POGZ: variants seen among roughly 807,000 people sequenced by gnomAD.
The protein encoded by POGZ is pogo transposable element derived with ZNF domain.
Under a neutral mutation model 134.6 loss-of-function variants are expected in POGZ, and 17 were observed. The ratio of observed to expected loss-of-function variants is 0.13; its 90% confidence interval spans 0.09 to 0.19. POGZ has a LOEUF of 0.19. Ranked by LOEUF, POGZ falls within the 10% of genes least tolerant of loss-of-function variation. The pLI is 1.00. For synonymous variants in POGZ, 693 were observed against 657.1 expected, an observed-to-expected ratio of 1.05 and a Z score of -0.84; for missense variants, 1,306 against 1,769.7, an observed-to-expected ratio of 0.74 and a Z score of 4.70.
chr1:151,456,303 T>A (rs188673804), intron 1 of POGZ, among the ~76,000 whole-genome samples: 66 of 152,226 alleles, frequency 4.3e-4, no homozygotes, highest in African/African-American at 1.5e-3. Flanking sequence ...GAAAGTCTTT[T>A]AAGTACTAGG....
chr1:151,452,311 T>C lies in POGZ; in HGVS notation c.-2+6841A>G, dbSNP rs369615209. Among the ~76,000 whole-genome samples the C allele has an allele frequency of 1.4e-4, 22 of 151,858 alleles. No individual in the cohort carries two copies. In the East Asian group the frequency reaches 2.9e-3, roughly 20 times the overall value. ...ATGCACAAAATATTTAATAGAAATA[T>C]CTTGAAAGTGACTTTCAAGGGGTTA... is the stretch of plus-strand genomic sequence containing the variant. On this transcript the variant is annotated intron_variant, in intron 1 of 18. Transcript: ENST00000271715.
At chr1:151,441,554 T>G (rs1276735106) in intron 2 of POGZ, among the ~76,000 whole-genome samples, 1 of 152,128 alleles carries the variant, frequency 6.6e-6, no homozygotes, top group Non-Finnish European at 1.5e-5. Flanking sequence ...TACCACCCAT[T>G]TTCTGAATTC....
At position 151,408,718 on chromosome 1, in the gene POGZ, C is replaced by T. The variant is rs1557873744; in HGVS notation, c.2037G>A (p.Leu679=). Residue 679 remains leucine (L), a synonymous_variant, in exon 13 of 19, where the codon CTG becomes CTA. Coordinates refer to ENST00000271715, the MANE Select transcript of POGZ (RefSeq NM_015100.4). ...HHKTFRKPKQ[L]EGLKPGTKVT... is the part of the protein sequence containing the mutation. ...CCTTGGTGCCTGGTTTCAAGCCCTC[C>T]AGCTGCTTGGGTTTACGGAAGGTTT... 2 of 1,614,038 alleles carry T rather than the reference C, an allele frequency of 1.2e-6. No homozygotes were observed. Among genetic ancestry groups the T allele is most frequent in the Admixed American group, 1.7e-5 (1 of 59,982 alleles).
intron 1 of POGZ, among the ~76,000 whole-genome samples, chr1:151,453,834 TA>T (rs1463082369): frequency 1.3e-5 from 2 of 152,328 alleles, no homozygotes; most frequent in African/African-American, 2.4e-5. Context: ...AGCTAGTCAA[TA>T]AAAGTCTATA....
rs1354995907 is a variant in POGZ at position 151,459,180 on chromosome 1, GA to G, written c.-31del. 4 of 151,020 alleles carry G rather than the reference GA, an allele frequency of 2.6e-5. No homozygotes were observed. Among genetic ancestry groups the G allele is most frequent in the African/African-American group, 2.4e-5 (1 of 41,226 alleles). 9.4% of individuals were successfully genotyped at this position (151,020 alleles called of 1,614,324 possible). On this transcript the variant is annotated 5_prime_UTR_variant, in exon 1 of 19. Coordinates refer to ENST00000271715, the MANE Select transcript of POGZ (RefSeq NM_015100.4). ...CTGTGGTCGTCGCCGCCGGTAGTCTGACCCGAGGAAGGCGCCGTCGCCTTAA... is the reference window on the plus strand; with the variant it reads ...CTGTGGTCGTCGCCGCCGGTAGTCTGCCCGAGGAAGGCGCCGTCGCCTTAA...
intron 1 of POGZ, among the ~76,000 whole-genome samples, chr1:151,445,527 AAAAAAAAAAAAG>A (rs1661142264): frequency 6.6e-6 from 1 of 151,680 alleles, no homozygotes; most frequent in South Asian, 2.1e-4. Context: ...TGTCTCAAAA[AAAAAAAAAAAAG>A]AAAAAAAGAA....
intron 1 of POGZ, among the ~76,000 whole-genome samples, chr1:151,447,135 T>C (rs1571564815): frequency 1.3e-5 from 2 of 151,962 alleles, no homozygotes; most frequent in South Asian, 2.1e-4. Flanking sequence ...CCTGTAATCC[T>C]AGCACTTCGG....
At chr1:151,455,171 A>C (rs1006488423) in intron 1 of POGZ, 4 of 152,172 alleles carry the variant, frequency 2.6e-5, no homozygotes, top group African/African-American at 9.7e-5. Flanking sequence ...ATACCAAAGA[A>C]TCTATCAAAA....
intron 1 of POGZ, 89 bp downstream of exon 1, chr1:151,459,063 C>G (rs1663191264): frequency 1.4e-5 from 2 of 140,626 alleles, no homozygotes; most frequent in South Asian, 5.0e-4. Context: ...CTCTCATTGT[C>G]TCGCCTCTGA....
chr1:151,438,299 A>G (rs1343832327), intron 3 of POGZ, among the ~76,000 whole-genome samples: 2 of 152,148 alleles, frequency 1.3e-5, no homozygotes, highest in Non-Finnish European at 2.9e-5. Context: ...ATAAAGTAAA[A>G]TAAATTAGAC....
At position 151,411,652 on chromosome 1, in the gene POGZ, T is replaced by G; in HGVS notation, c.1899A>C (p.Ala633=). Residue 633 remains alanine, a synonymous_variant, in exon 12 of 19, where the codon GCA becomes GCC. Coordinates refer to ENST00000271715, the MANE Select transcript of POGZ (RefSeq NM_015100.4). ...GGTGCCTCATGTAATGCTGTTGGAA[T>G]GCATTGCCATTTTTGAAGACCTTCA... ...YCLKVFKNGN[A]FQQHYMRHQK... 4 of 1,612,438 alleles carry G rather than the reference T, an allele frequency of 2.5e-6. No homozygotes were observed. The highest frequency in any genetic ancestry group is 3.4e-6 in the Non-Finnish European group (4 of 1,179,298).
At chr1:151,446,046 C>CTTTT (rs573169016) in intron 1 of POGZ, among the ~76,000 whole-genome samples, 2 of 123,916 alleles carry the variant, frequency 1.6e-5, no homozygotes, top group African/African-American at 3.0e-5. Flanking sequence ...CGTCTTTCAA[C>CTTTT]TTTTTTTTTT....
chr1:151,457,890 G>A (rs1662960804), intron 1 of POGZ, among the ~76,000 whole-genome samples: 1 of 149,770 alleles, frequency 6.7e-6, no homozygotes, highest in Non-Finnish European at 1.5e-5. Flanking sequence ...TCGTGCCACT[G>A]CACACCAGCC....
chr1:151,428,855 G>A (rs1658210306), intron 5 of POGZ, among the ~76,000 whole-genome samples: 1 of 152,080 alleles, frequency 6.6e-6, no homozygotes. Flanking sequence ...ATTCTACTAG[G>A]ATGTCCCAAA....
chr1:151,427,716 G>A (rs1658005464), intron 7 of POGZ, 107 bp downstream of exon 7: 1 of 776,466 alleles, frequency 1.3e-6, no homozygotes, highest in African/African-American at 1.7e-5. Context: ...TACAGCAGCT[G>A]TATTTTATTT....
Position 151,459,365 on chromosome 1 carries a change from G to A in POGZ, c.-215C>T, listed in dbSNP as rs961193594. 1.4e-5 allele frequency: 2 copies of A among 146,778 alleles called. No individual in the cohort carries two copies. The highest frequency in any genetic ancestry group is 5.0e-5 in the African/African-American group (2 of 40,246). The allele number at this position is 146,778 out of a possible 1,614,324, so 9.1% of individuals were successfully genotyped here. Reference sequence around the variant, plus strand: ...GTGATTCGGGGTGGATTTTTTTCCCGAGGGGGGCGGGGGGGCCCCGAGGGA... The same window carrying A: ...GTGATTCGGGGTGGATTTTTTTCCCAAGGGGGGCGGGGGGGCCCCGAGGGA... On this transcript the variant is annotated 5_prime_UTR_variant, in exon 1 of 19. Coordinates refer to ENST00000271715, the MANE Select transcript of POGZ (RefSeq NM_015100.4).
chr1:151,425,195 TTTTG>T (rs1657562819), intron 7 of POGZ, 134 bp from the exon 8 acceptor site: 7 of 563,424 alleles, frequency 1.2e-5, no homozygotes, highest in Non-Finnish European at 2.0e-5. Context: ...TCACTATGGT[TTTTG>T]TTTGTTTTTG....
intron 1 of POGZ, among the ~76,000 whole-genome samples, chr1:151,458,032 G>A (rs1662978959): frequency 6.6e-6 from 1 of 152,082 alleles, no homozygotes; most frequent in Non-Finnish European, 1.5e-5. Context: ...CATCAAGACG[G>A]CGGCTGCTGT....
Position 151,441,041 on chromosome 1 carries a change from G to A in POGZ, c.170C>T (p.Ala57Val). 6.2e-7 allele frequency: 1 copy of A among 1,614,032 alleles called. No individual in the cohort carries two copies. Among genetic ancestry groups the A allele is most frequent in the African/African-American group, 1.3e-5 (1 of 75,058 alleles). ...QPVSAPVPIA[A>V]HASVAGHLST... ...GAGGTGCCCAGCAACAGAAGCATGG[G>A]CAGCGATGGGCACTGGAGCCGAGAC... is the stretch of plus-strand genomic sequence containing the variant. The change falls in exon 3 of 19, where the codon GCC becomes GTC. Residue 57 changes from alanine to valine, a missense_variant. Ala to Val is a moderately conservative substitution (Grantham distance 64). Coordinates refer to ENST00000271715, the MANE Select transcript of POGZ (RefSeq NM_015100.4).
Sources: gnomAD v4.1 joint callset for allele counts (sites outside exome capture counted in the v4.1 genomes callset) on GRCh38, gnomAD v4.1.1 for gene constraint, MANE v1.5 for transcripts, NCBI Gene and HGNC (gene_info 2026-07-23, HGNC 2026-07-21) for gene names.